Variants in PNKD observed in about 807,000 individuals in gnomAD.
The protein encoded by PNKD is PNKD metallo-beta-lactamase domain containing, also known as probable thioesterase PNKD.
A neutral mutation model predicts 45.3 loss-of-function variants in PNKD; 36 were observed. The ratio of observed to expected loss-of-function variants is 0.80; its 90% confidence interval spans 0.61 to 1.05. The LOEUF (loss-of-function observed/expected upper bound fraction) is 1.05. Ranked by LOEUF, PNKD falls within the 50% of genes least tolerant of loss-of-function variation. PNKD has a pLI of 0.00. For synonymous variants in PNKD, 197 were observed against 210.1 expected (o/e 0.94, Z 0.54); for missense variants, 511 against 506.6 (o/e 1.01, Z -0.08).
intron 2 of PNKD, chr2:218,275,214 G>A: frequency 2.7e-6 from 1 of 367,640 alleles, no homozygotes. Context: ...TCATACAGTA[G>A]GTGGCGGGGA....
intron 2 of PNKD, chr2:218,317,964 T>C (rs973570726): frequency 6.6e-6 from 1 of 152,314 alleles, no homozygotes; most frequent in Non-Finnish European, 1.5e-5. Flanking sequence ...GCTCCAACCA[T>C]CTCAGCTCCT....
chr2:218,299,180 G>GAGTGCAATGGC (rs1360957957), intron 2 of PNKD, among the ~76,000 whole-genome samples: 1 of 151,842 alleles, frequency 6.6e-6, no homozygotes, highest in African/African-American at 2.4e-5. Flanking sequence ...ACCCAGCCTA[G>GAGTGCAATGGC]AGTGCAATGG....
chr2:218,318,938 C>CTT (rs1188726715), intron 2 of PNKD, among the ~76,000 whole-genome samples: 13 of 109,506 alleles, frequency 1.2e-4, no homozygotes, highest in East Asian at 2.6e-4. Context: ...CAAATCTTTT[C>CTT]TTTTTTTTTT....
intron 2 of PNKD, chr2:218,287,384 C>G (rs1170877413): frequency 2.6e-5 from 4 of 152,342 alleles, no homozygotes; most frequent in South Asian, 4.1e-4. Flanking sequence ...CTACCATTCT[C>G]TCAGTTCTCT....
intron 2 of PNKD, chr2:218,286,940 T>C (rs1692569236): frequency 6.6e-6 from 1 of 152,070 alleles, no homozygotes; most frequent in African/African-American, 2.4e-5. Flanking sequence ...GACGATTTGT[T>C]CCCCTCCCTT....
intron 6 of PNKD, 73 bp from the exon 7 acceptor site, chr2:218,341,908 G>C (rs1694688033): frequency 1.6e-6 from 2 of 1,267,968 alleles, no homozygotes; most frequent in Non-Finnish European, 2.3e-6. Context: ...CAGCCCCTTG[G>C]GCCTGGGATG....
intron 2 of PNKD, among the ~76,000 whole-genome samples, chr2:218,333,158 A>G (rs1694380002): frequency 6.6e-6 from 1 of 152,156 alleles, no homozygotes; most frequent in Admixed American, 6.5e-5. Flanking sequence ...TTCTGGTTTA[A>G]TGTCTGTTGG....
intron 2 of PNKD, chr2:218,279,032 A>G: frequency 6.2e-7 from 1 of 1,613,996 alleles, no homozygotes. Context: ...AGGAGCACAC[A>G]CTCACTAGGA....
chr2:218,343,198 G>C (rs779769038), intron 7 of PNKD, among the ~76,000 whole-genome samples: 2 of 152,228 alleles, frequency 1.3e-5, no homozygotes, highest in Non-Finnish European at 2.9e-5. Context: ...GAAGTGTTCC[G>C]TGGGAAAGAG....
At chr2:218,295,421 C>A (rs1378695531) in intron 2 of PNKD, among the ~76,000 whole-genome samples, 1 of 152,102 alleles carries the variant, frequency 6.6e-6, no homozygotes, top group South Asian at 2.1e-4. Context: ...TCACTTGGTT[C>A]CTCCAGATCC....
intron 2 of PNKD, among the ~76,000 whole-genome samples, chr2:218,290,499 G>T (rs765009469): frequency 6.6e-6 from 1 of 152,094 alleles, no homozygotes; most frequent in African/African-American, 2.4e-5. Context: ...ACTCTCAGGG[G>T]GTCAGCCCAG....
intron 2 of PNKD, among the ~76,000 whole-genome samples, chr2:218,276,276 C>T (rs1056070262): frequency 2.6e-5 from 4 of 152,180 alleles, no homozygotes; most frequent in African/African-American, 9.7e-5. Context: ...CAGAGGCCAT[C>T]CTGCAATGGC....
chr2:218,272,668 G>C (rs753316538), intron 2 of PNKD: 6 of 1,614,184 alleles, frequency 3.7e-6, no homozygotes, highest in African/African-American at 1.3e-5. Flanking sequence ...CAGAACATGC[G>C]GTTGTCCAAC....
chr2:218,343,125 A>AGC (rs150190908), intron 7 of PNKD, among the ~76,000 whole-genome samples: 3 of 151,962 alleles, frequency 2.0e-5, no homozygotes, highest in African/African-American at 7.3e-5. Flanking sequence ...CAGCTAGGTG[A>AGC]GTGGGTGGGT....
chr2:218,342,622 C>T (rs1445378970), intron 7 of PNKD, among the ~76,000 whole-genome samples: 1 of 152,042 alleles, frequency 6.6e-6, no homozygotes, highest in African/African-American at 2.4e-5. Flanking sequence ...ACTGCTTGAA[C>T]CCGAGAGGTA....
At chr2:218,293,421 T>G (rs1693046357) in intron 2 of PNKD, among the ~76,000 whole-genome samples, 1 of 152,134 alleles carries the variant, frequency 6.6e-6, no homozygotes, top group Non-Finnish European at 1.5e-5. Flanking sequence ...TGTCTCAATT[T>G]AAAAAGAGAA....
Position 218,345,068 on chromosome 2 carries a change from C to T in PNKD, c.*87C>T. ...TCATCATCCTTCTCATCGCTAACAC[C>T]ACCACCTCCATCGGCACCCAAGCGG... On this transcript the variant is annotated 3_prime_UTR_variant, in exon 10 of 10. Transcript: ENST00000273077. 5.8e-6 allele frequency: 6 copies of T among 1,041,184 alleles called. No homozygotes were observed. The highest frequency in any genetic ancestry group is 1.5e-5 in the South Asian group (1 of 66,582). The allele number at this position is 1,041,184 out of a possible 1,614,324, so 64.5% of individuals were successfully genotyped here.
chr2:218,345,091 C>T lies in PNKD; in HGVS notation c.*110C>T. 7.3e-6 allele frequency: 6 copies of T among 817,098 alleles called. No individual in the cohort carries two copies. Among genetic ancestry groups the T allele is most frequent in the South Asian group, 5.1e-5 (3 of 58,340 alleles). 50.6% of individuals were successfully genotyped at this position (817,098 alleles called of 1,614,324 possible). ...ACCACCACCTCCATCGGCACCCAAG[C>T]GGGCATCATCCCCCCACACTGCTCA... On this transcript the variant is annotated 3_prime_UTR_variant, in exon 10 of 10. Coordinates refer to ENST00000273077, the MANE Select transcript of PNKD (RefSeq NM_015488.5).
At chr2:218,335,156 A>T (rs1694451156) in intron 2 of PNKD, among the ~76,000 whole-genome samples, 1 of 151,104 alleles carries the variant, frequency 6.6e-6, no homozygotes, top group African/African-American at 2.4e-5. Context: ...ATCTCTTTAA[A>T]AAATAAATAA....
Sources: allele counts gnomAD v4.1 joint callset (sites outside exome capture counted in the v4.1 genomes callset), GRCh38; gene constraint gnomAD v4.1.1; transcripts MANE v1.5; gene names NCBI Gene and HGNC (gene_info 2026-07-23, HGNC 2026-07-21).